MBD3: variants seen among roughly 807,000 people sequenced by gnomAD.
The protein encoded by MBD3 is methyl-CpG-binding domain protein 3.
Under a neutral mutation model 31.2 loss-of-function variants are expected in MBD3, and 13 were observed. That is an observed-to-expected ratio of 0.42 (90% CI 0.27 to 0.66). MBD3 has a LOEUF of 0.66. Ranked by LOEUF, MBD3 falls within the 30% of genes least tolerant of loss-of-function variation. MBD3 has a pLI of 0.26. For synonymous variants in MBD3, 223 were observed against 187.4 expected (o/e 1.19, Z -1.55); for missense variants, 440 against 426.5 (o/e 1.03, Z -0.28).
rs1218149524 is a variant in MBD3, at chr19:1,585,341, C to A, written c.111-127G>T. The A allele has an allele frequency of 4.8e-6, 5 of 1,050,538 alleles. No individual in the cohort carries two copies. The highest frequency in any genetic ancestry group is 6.8e-6 in the Non-Finnish European group (5 of 733,300). The allele number at this position is 1,050,538 out of a possible 1,614,324, so 65.1% of individuals were successfully genotyped here. ...GCGACCCCAGCCCCAGACCCCAACA[C>A]GGCCCTGACCCCAAACCCAGGCAGG... On this transcript the variant is annotated intron_variant, in intron 1 of 6. Coordinates refer to ENST00000434436, the MANE Select transcript of MBD3 (RefSeq NM_001281453.2). The surrounding 1 kb of genome is among the most constrained non-coding windows in gnomAD (Gnocchi z 4.1).
At chr19:1,591,086 G>A (rs886955471) in intron 1 of MBD3, among the ~76,000 whole-genome samples, 1 of 152,190 alleles carries the variant, frequency 6.6e-6, no homozygotes, top group Non-Finnish European at 1.5e-5. Context: ...ACCTCTTAGG[G>A]GGTTCCTGCT....
rs895252838 is a variant in MBD3 at position 1,578,287 on chromosome 19, C to T, written c.*5+48G>A. ...GCACATCTGTGTTCACCAGGCAGTCCCCACTGCCAGGACCCGACTCCAGGG... is the reference window on the plus strand; with the variant it reads ...GCACATCTGTGTTCACCAGGCAGTCTCCACTGCCAGGACCCGACTCCAGGG... On this transcript the variant is annotated intron_variant, in intron 6 of 6. Transcript: ENST00000434436. The surrounding 1 kb of genome is among the most constrained non-coding windows in gnomAD (Gnocchi z 6.1). 2 of 1,597,876 alleles carry T rather than the reference C, an allele frequency of 1.3e-6. No individual in the cohort carries two copies. The highest frequency in any genetic ancestry group is 3.3e-5 in the Admixed American group (2 of 59,970).
At chr19:1,584,707 T>G (rs762792508) in intron 2 of MBD3, 30 bp from the exon 3 acceptor site, 4 of 1,602,132 alleles carry the variant, frequency 2.5e-6, no homozygotes, top group South Asian at 2.2e-5. Context: ...CAGTCCGGCC[T>G]GGGGGCGCCC....
At chr19:1,590,561 A>G (rs1436571893) in intron 1 of MBD3, among the ~76,000 whole-genome samples, 1 of 152,114 alleles carries the variant, frequency 6.6e-6, no homozygotes, top group African/African-American at 2.4e-5. Context: ...AAGAATGCGT[A>G]AGCCGTGATT....
chr19:1,578,710 G>C lies in MBD3; in HGVS notation c.678-172C>G, dbSNP rs1158675898. On this transcript the variant is annotated intron_variant, in intron 5 of 6. Coordinates refer to ENST00000434436, the MANE Select transcript of MBD3 (RefSeq NM_001281453.2). The surrounding 1 kb of genome is among the most constrained non-coding windows in gnomAD (Gnocchi z 6.1). ...TCCCTTCACAATCCACGCAGAGAAT[G>C]ACCGGCTGCCGCTGGCCATCGCCAG... Among the ~76,000 whole-genome samples the C allele has an allele frequency of 1.3e-5, 2 of 152,126 alleles. No homozygotes were observed. Among genetic ancestry groups the C allele is most frequent in the East Asian group, 3.9e-4 (2 of 5,166 alleles).
At chr19:1,581,425 T>C (rs1179681259) in intron 4 of MBD3, 156 bp from the exon 5 acceptor site, 1 of 771,386 alleles carries the variant, frequency 1.3e-6, no homozygotes, top group East Asian at 2.7e-5. Context: ...CTCCCGCTTG[T>C]GTTACTACAT....
chr19:1,578,895 C>T lies in MBD3; in HGVS notation c.678-357G>A, dbSNP rs1437065601. On this transcript the variant is annotated intron_variant, in intron 5 of 6. Transcript: ENST00000434436. This position sits in a 1 kb window ranked among gnomAD's most constrained non-coding sequence, Gnocchi z 6.1. ...ACAGGCACTGAGTGGGGCAGGAAAA[C>T]CCTCACCAGGCCAGGTAGAGGCTCA... Among the ~76,000 whole-genome samples the T allele has an allele frequency of 6.6e-6, 1 of 152,106 alleles. No homozygotes were observed. Among genetic ancestry groups the T allele is most frequent in the Admixed American group, 6.5e-5 (1 of 15,268 alleles).
Position 1,577,549 on chromosome 19 carries a change from G to T in MBD3, c.*615C>A, listed in dbSNP as rs1917229925. 6.6e-6 allele frequency: 1 copy of T among 152,258 alleles called. No individual in the cohort carries two copies. The allele number at this position is 152,258 out of a possible 1,614,324, so 9.4% of individuals were successfully genotyped here. ...AGGCTGGCGTTGGCACACAGGGAAG[G>T]CTGCCCGATGACGTGCCTCGACTGT... On this transcript the variant is annotated 3_prime_UTR_variant, in exon 7 of 7. Coordinates refer to ENST00000434436, the MANE Select transcript of MBD3 (RefSeq NM_001281453.2).
rs777658690 is a variant in MBD3 at position 1,578,400 on chromosome 19, CTCG to C, written c.813_815del (p.Asp271del). 8.7e-6 allele frequency: 14 copies of C among 1,604,276 alleles called. No individual in the cohort carries two copies. Among genetic ancestry groups the C allele is most frequent in the African/African-American group, 2.7e-5 (2 of 74,918 alleles). On this transcript the variant is annotated inframe_deletion, in exon 6 of 7. Coordinates refer to ENST00000434436, the MANE Select transcript of MBD3 (RefSeq NM_001281453.2). The surrounding 1 kb of genome is among the most constrained non-coding windows in gnomAD (Gnocchi z 6.1). ...CCTCCTCCTCCTCCTCCTCGTCTTC[CTCG>C]TCGTCGTCCTCAGCGCAGGCCTTGT...
chr19:1,585,739 T>C lies in MBD3; in HGVS notation c.111-525A>G, dbSNP rs1052111100. ...GAGAAAAGACCCCACGGAGAACAGG[T>C]ATGTGAGGGACAGCCCTAAAAGCAA... is the stretch of plus-strand genomic sequence containing the variant. On this transcript the variant is annotated intron_variant, in intron 1 of 6. Transcript: ENST00000434436. The surrounding 1 kb of genome is among the most constrained non-coding windows in gnomAD (Gnocchi z 4.1). 5.9e-5 allele frequency among the ~76,000 whole-genome samples: 9 copies of C among 151,768 alleles called. No individual in the cohort carries two copies. The highest frequency in any genetic ancestry group is 1.3e-4 in the Non-Finnish European group (9 of 67,950).
In MBD3 at chr19:1,578,437, G is replaced by A. The variant is rs756573478; in HGVS notation, c.779C>T (p.Ala260Val). ...CTCAGCGCAGGCCTTGTCCAGCGGC[G>A]CCTCCCCGTCACGGGCCAGCTCCTC... is the stretch of plus-strand genomic sequence containing the variant. ...HVEELARDGE[A>V]PLDKACAEDD... Residue 260 changes from alanine to valine, a missense_variant, in exon 6 of 7, where the codon GCG becomes GTG. Transcript: ENST00000434436. This position sits in a 1 kb window ranked among gnomAD's most constrained non-coding sequence, Gnocchi z 6.1. 5.4e-5 allele frequency: 87 copies of A among 1,606,126 alleles called. No individual in the cohort carries two copies. The highest frequency in any genetic ancestry group is 6.7e-5 in the Admixed American group (4 of 59,962).
intron 1 of MBD3, among the ~76,000 whole-genome samples, chr19:1,588,801 A>C (rs1481022520): frequency 6.8e-6 from 1 of 146,924 alleles, no homozygotes; most frequent in Non-Finnish European, 1.5e-5. Flanking sequence ...AAAAAAAAAA[A>C]GGTGTAAGGC....
chr19:1,579,670 C>A (rs1917303885), intron 5 of MBD3, among the ~76,000 whole-genome samples: 1 of 152,216 alleles, frequency 6.6e-6, no homozygotes, highest in African/African-American at 2.4e-5. Context: ...CCCTGGCTCA[C>A]CTACTCGACT....
intron 4 of MBD3, chr19:1,581,582 A>G (rs1438863702): frequency 4.5e-6 from 2 of 443,794 alleles, no homozygotes; most frequent in Middle Eastern, 6.8e-4. Flanking sequence ...TGTCTCTACA[A>G]AATAATTCAA....
Position 1,576,127 on chromosome 19 carries a change from G to C in MBD3, c.*2037C>G, listed in dbSNP as rs541910159. The C allele has an allele frequency of 2.6e-5, 4 of 152,474 alleles. No individual in the cohort carries two copies. In the South Asian group the frequency reaches 6.2e-4, roughly 24 times the overall value. The allele number at this position is 152,474 out of a possible 1,614,324, so 9.4% of individuals were successfully genotyped here. On this transcript the variant is annotated 3_prime_UTR_variant, in exon 7 of 7. Transcript: ENST00000434436. ...AGACAGGGATAGACAGAGACAGAGA[G>C]AGACCAAGGGAGACAGGGACACAGT...
chr19:1,574,969 TGA>T lies in MBD3; in HGVS notation c.*3193_*3194del, dbSNP rs749238448. The T allele has an allele frequency of 9.0e-6, 3 of 333,416 alleles. No individual in the cohort carries two copies. The highest frequency in any genetic ancestry group is 1.8e-5 in the Non-Finnish European group (3 of 166,758). The allele number at this position is 333,416 out of a possible 1,614,324, so 20.7% of individuals were successfully genotyped here. On this transcript the variant is annotated 3_prime_UTR_variant, in exon 7 of 7. Coordinates refer to ENST00000434436, the MANE Select transcript of MBD3 (RefSeq NM_001281453.2). ...CATGATGCCCCTTAGCTGGTGTTGC[TGA>T]GACTCGGGAGCCCTGTGGTCCGTGT...
intron 4 of MBD3, 107 bp from the exon 5 acceptor site, chr19:1,581,376 G>T: frequency 8.8e-7 from 1 of 1,132,270 alleles, no homozygotes; most frequent in Non-Finnish European, 1.3e-6. Flanking sequence ...CCACCTTCTT[G>T]GAAGGAACCC....
chr19:1,577,697 G>GTCCTGC lies in MBD3; in HGVS notation c.*466_*467insGCAGGA, dbSNP rs1917236350. The GTCCTGC allele has an allele frequency of 6.3e-6, 1 of 157,702 alleles. No individual in the cohort carries two copies. Among genetic ancestry groups the GTCCTGC allele is most frequent in the African/African-American group, 2.4e-5 (1 of 41,462 alleles). The allele number at this position is 157,702 out of a possible 1,614,324, so 9.8% of individuals were successfully genotyped here. A position where few individuals can be genotyped will look rare whatever the true frequency, so the allele number is the denominator to read the frequency against. On this transcript the variant is annotated 3_prime_UTR_variant, in exon 7 of 7. Coordinates refer to ENST00000434436, the MANE Select transcript of MBD3 (RefSeq NM_001281453.2). The stretch of plus-strand genomic sequence containing the variant: ...GCCGTCCTGCATGCCCCCCACAGCA[G>GTCCTGC]ACCAGAGTCCCGTCCTCACGCTGCA...
At chr19:1,582,748 C>A in intron 3 of MBD3, 36 bp from the exon 4 acceptor site, 1 of 1,566,916 alleles carries the variant, frequency 6.4e-7, no homozygotes, top group Non-Finnish European at 8.7e-7. Context: ...CAAGAGTGGC[C>A]CTGCCCTCTC....
Sources: allele counts gnomAD v4.1 joint callset (sites outside exome capture counted in the v4.1 genomes callset), GRCh38; gene constraint gnomAD v4.1.1; non-coding constraint Gnocchi (gnomAD v3.1); transcripts MANE v1.5; gene names NCBI Gene and HGNC (gene_info 2026-07-23, HGNC 2026-07-21).